The following MCPH1 variants were observed in gnomAD, a reference collection of about 807,000 sequenced individuals.
MCPH1 encodes microcephalin.
A neutral mutation model predicts 84.5 loss-of-function variants in MCPH1; 104 were observed. The observed-to-expected ratio is 1.23, with a 90% CI of 1.05 to 1.45. The LOEUF is 1.45. Among genes scored for constraint, MCPH1 ranks in the 40% most tolerant of loss-of-function variants. The pLI is 0.00. For missense variants in MCPH1, 1,498 were observed against 1,005.7 expected, an observed-to-expected ratio of 1.49 and a Z score of -6.62; for synonymous variants, 514 against 366.8, an observed-to-expected ratio of 1.40 and a Z score of -4.58.
chr8:6,430,846 AT>A (rs1801735659), intron 3 of MCPH1, among the ~76,000 whole-genome samples: 2 of 152,360 alleles, frequency 1.3e-5, no homozygotes, highest in East Asian at 3.9e-4. Context: ...GGAGAAACAA[AT>A]AGTAGGGCAG....
chr8:6,436,805 T>C (rs1802709572), intron 5 of MCPH1, among the ~76,000 whole-genome samples: 1 of 151,892 alleles, frequency 6.6e-6, no homozygotes. Flanking sequence ...CTGTCTCTAC[T>C]AAAAATACAA....
intron 13 of MCPH1, among the ~76,000 whole-genome samples, chr8:6,638,051 T>G (rs750955697): frequency 2.2e-4 from 34 of 152,262 alleles, no homozygotes; most frequent in Middle Eastern, 3.4e-3. Context: ...GTTTATTCAG[T>G]CTGCAGAAGC....
At chr8:6,597,209 C>G (rs1353466581) in intron 12 of MCPH1, among the ~76,000 whole-genome samples, 1 of 152,166 alleles carries the variant, frequency 6.6e-6, no homozygotes, top group Non-Finnish European at 1.5e-5. Context: ...GAGCCTCAGT[C>G]CTGTGTGGGG....
At chr8:6,575,195 C>T (rs938446835) in intron 12 of MCPH1, among the ~76,000 whole-genome samples, 1 of 152,182 alleles carries the variant, frequency 6.6e-6, no homozygotes. Flanking sequence ...GCAGGAAGAC[C>T]TATTTTCCTG....
At chr8:6,423,536 T>G (rs1041600746) in intron 3 of MCPH1, among the ~76,000 whole-genome samples, 1 of 152,238 alleles carries the variant, frequency 6.6e-6, no homozygotes, top group Non-Finnish European at 1.5e-5. Context: ...CCACTTTATA[T>G]ATATAAGAAT....
At position 6,572,286 on chromosome 8, in the gene MCPH1, G is replaced by A. The variant is rs17077566; in HGVS notation, c.2215-49168G>A. Among the ~76,000 whole-genome samples, 1,501 of 152,112 alleles carry A rather than the reference G, an allele frequency of 9.9e-3. 36 individuals carry two copies. The highest frequency in any genetic ancestry group is 0.081 in the East Asian group (418 of 5,168). On this transcript the variant is annotated intron_variant, in intron 12 of 13. Transcript: ENST00000344683. ...GCGCTCTCCTCCCAAATCCTGATGC[G>A]CATTTAAATCACCTTTTTCATTTAT...
intron 13 of MCPH1, among the ~76,000 whole-genome samples, chr8:6,631,114 G>C (rs71525745): frequency 0.035 from 5,341 of 152,316 alleles, 234 homozygotes; most frequent in East Asian, 0.24. Context: ...GGAAAGTTTT[G>C]TGGCACATGG....
At chr8:6,452,453 G>C (rs773977360) in intron 8 of MCPH1, among the ~76,000 whole-genome samples, 18 of 152,218 alleles carry the variant, frequency 1.2e-4, no homozygotes, top group Non-Finnish European at 2.5e-4. Context: ...CGAAGTCAAT[G>C]AATTGTGTGT....
rs151193912 is a variant in MCPH1 at position 6,532,535 on chromosome 8, A to G, written c.2214+32606A>G. 2.0e-3 allele frequency: 2,926 copies of G among 1,443,428 alleles called. 7 individuals are homozygous for G. The highest frequency in any genetic ancestry group is 2.5e-3 in the Non-Finnish European group (2,735 of 1,077,476). 89.4% of individuals were successfully genotyped at this position (1,443,428 alleles called of 1,614,324 possible). On this transcript the variant is annotated intron_variant, in intron 12 of 13. Coordinates refer to ENST00000344683, the MANE Select transcript of MCPH1 (RefSeq NM_024596.5). Reference sequence around the variant, plus strand: ...GGCAGTCATTAGTCAAATGACCGGAAACCTGATTCCTAAATGTTTGTCGTC... The same window carrying G: ...GGCAGTCATTAGTCAAATGACCGGAGACCTGATTCCTAAATGTTTGTCGTC...
chr8:6,406,844 C>G, intron 1 of MCPH1, 155 bp downstream of exon 1: 1 of 41,980 alleles, frequency 2.4e-5, no homozygotes, highest in Non-Finnish European at 6.0e-5. Flanking sequence ...CTTCCTCCCC[C>G]GCTGCCTGTC....
At chr8:6,464,117 CAGAA>C (rs1304800158) in intron 9 of MCPH1, among the ~76,000 whole-genome samples, 1 of 152,184 alleles carries the variant, frequency 6.6e-6, no homozygotes, top group Non-Finnish European at 1.5e-5. Flanking sequence ...CCGCTGTACG[CAGAA>C]AGATAGGCCC....
Position 6,572,280 on chromosome 8 carries a change from T to A in MCPH1, c.2215-49174T>A, listed in dbSNP as rs116598807. 9.8e-3 allele frequency among the ~76,000 whole-genome samples: 1,491 copies of A among 152,344 alleles called. 34 individuals are homozygous for A. The highest frequency in any genetic ancestry group is 0.034 in the African/African-American group (1,422 of 41,572). On this transcript the variant is annotated intron_variant, in intron 12 of 13. Coordinates refer to ENST00000344683, the MANE Select transcript of MCPH1 (RefSeq NM_024596.5). Reference sequence around the variant, plus strand: ...TAATATGCGCTCTCCTCCCAAATCCTGATGCGCATTTAAATCACCTTTTTC... The same window carrying A: ...TAATATGCGCTCTCCTCCCAAATCCAGATGCGCATTTAAATCACCTTTTTC...
chr8:6,496,661 A>G (rs910327396), intron 11 of MCPH1, among the ~76,000 whole-genome samples: 2 of 152,038 alleles, frequency 1.3e-5, no homozygotes, highest in African/African-American at 4.8e-5. Flanking sequence ...CTGGCTATTT[A>G]GAAATTTGGA....
At chr8:6,540,867 C>T (rs531280534) in intron 12 of MCPH1, among the ~76,000 whole-genome samples, 6 of 152,352 alleles carry the variant, frequency 3.9e-5, no homozygotes, top group South Asian at 2.1e-4. Context: ...AGGCGGCCAC[C>T]GCCGCGCTGG....
chr8:6,512,409 C>T (rs3020213), intron 12 of MCPH1, among the ~76,000 whole-genome samples: 55,814 of 151,940 alleles, frequency 0.37, 10,482 homozygotes, highest in Middle Eastern at 0.48. Context: ...GAGATGAAGA[C>T]GAGACTGTAG....
intron 12 of MCPH1, among the ~76,000 whole-genome samples, chr8:6,597,952 A>T (rs189666427): frequency 6.6e-6 from 1 of 152,252 alleles, no homozygotes; most frequent in East Asian, 1.9e-4. Flanking sequence ...CCAGCACTTG[A>T]CCTAGAGCCT....
intron 12 of MCPH1, among the ~76,000 whole-genome samples, chr8:6,557,281 T>G (rs1269449199): frequency 1.3e-5 from 2 of 152,224 alleles, no homozygotes; most frequent in East Asian, 1.9e-4. Context: ...GCCCCGTGTT[T>G]ATAAGGGACT....
intron 12 of MCPH1, chr8:6,502,019 A>T (rs903719937): frequency 1.3e-5 from 2 of 151,548 alleles, no homozygotes; most frequent in Admixed American, 1.3e-4. Context: ...GTGAATCTTG[A>T]GACATATAGC....
chr8:6,560,812 A>C (rs1322727478), intron 12 of MCPH1, among the ~76,000 whole-genome samples: 1 of 152,244 alleles, frequency 6.6e-6, no homozygotes, highest in African/African-American at 2.4e-5. Context: ...CTAAGAAAGA[A>C]ATATGAGCTT....
Sources: allele counts gnomAD v4.1 joint callset (sites outside exome capture counted in the v4.1 genomes callset), GRCh38; gene constraint gnomAD v4.1.1; transcripts MANE v1.5; gene names NCBI Gene and HGNC (gene_info 2026-07-23, HGNC 2026-07-21).